Variants in SDK1 observed in about 807,000 individuals in gnomAD.
The protein encoded by SDK1 is sidekick cell adhesion molecule 1.
SDK1 carries 157 observed loss-of-function variants against 245.5 expected under a neutral mutation model. The observed-to-expected ratio is 0.64, with a 90% CI of 0.56 to 0.73. SDK1 has a LOEUF of 0.73. Among genes scored for constraint, SDK1 ranks in the 30% least tolerant of loss-of-function variants. The pLI is 0.00. For missense variants in SDK1, 3,583 were observed against 3,002.3 expected (o/e 1.19, Z -4.52); for synonymous variants, 1,647 against 1,278.5 (o/e 1.29, Z -6.15).
intron 5 of SDK1, among the ~76,000 whole-genome samples, chr7:3,910,477 G>C (rs886263440): frequency 6.6e-6 from 1 of 152,148 alleles, no homozygotes; most frequent in Non-Finnish European, 1.5e-5. Context: ...TGTGTCCTTA[G>C]CATTTTGGAA....
chr7:3,974,687 A>G, intron 13 of SDK1, 142 bp downstream of exon 13: 2 of 675,576 alleles, frequency 3.0e-6, no homozygotes, highest in Non-Finnish European at 4.9e-6. Context: ...ATGCTGCATA[A>G]CTACATATAT....
rs368582153 is a variant in SDK1, at chr7:3,971,446, G to C, written c.1715-20G>C. The C allele has an allele frequency of 6.4e-7, 1 of 1,566,092 alleles. No individual in the cohort carries two copies. The highest frequency in any genetic ancestry group is 1.1e-5 in the South Asian group (1 of 88,698). On this transcript the variant is annotated intron_variant, in intron 11 of 44. Transcript: ENST00000404826. ...TCAAACTTGTCATTTCGTCTGACTC[G>C]TGACTTGTGTTTTTTTCAGATCGGA... is the stretch of plus-strand genomic sequence containing the variant.
intron 19 of SDK1, among the ~76,000 whole-genome samples, chr7:4,061,655 T>G (rs551502037): frequency 6.6e-6 from 1 of 152,082 alleles, no homozygotes; most frequent in African/African-American, 2.4e-5. Context: ...TGACTATAAA[T>G]CATGCTGCTA....
At chr7:4,063,667 C>A (rs1779689921) in intron 19 of SDK1, among the ~76,000 whole-genome samples, 1 of 150,390 alleles carries the variant, frequency 6.6e-6, no homozygotes, top group African/African-American at 2.4e-5. Context: ...CCAAAGCAAT[C>A]CATAGCAAAA....
intron 4 of SDK1, among the ~76,000 whole-genome samples, chr7:3,666,344 A>G (rs1196988094): frequency 4.6e-5 from 7 of 152,166 alleles, no homozygotes; most frequent in Admixed American, 4.6e-4. Flanking sequence ...GTCTCTTGTC[A>G]TGGGACTTTG....
chr7:3,353,844 A>G (rs1454077224), intron 1 of SDK1, among the ~76,000 whole-genome samples: 2 of 152,034 alleles, frequency 1.3e-5, no homozygotes, highest in African/African-American at 2.4e-5. Flanking sequence ...CGTGTCCTGC[A>G]TGTCAGTTTC....
intron 4 of SDK1, among the ~76,000 whole-genome samples, chr7:3,807,772 G>T (rs915353474): frequency 2.6e-5 from 4 of 152,168 alleles, no homozygotes; most frequent in Non-Finnish European, 5.9e-5. Flanking sequence ...GGGAGGCTGG[G>T]TTAGAGTCTT....
intron 5 of SDK1, among the ~76,000 whole-genome samples, chr7:3,868,822 C>A (rs1298605031): frequency 5.9e-5 from 9 of 152,150 alleles, no homozygotes; most frequent in Non-Finnish European, 1.2e-4. Flanking sequence ...AAAGGGGTTT[C>A]ATTGGCATCA....
chr7:3,789,362 G>T (rs1362117873), intron 4 of SDK1, among the ~76,000 whole-genome samples: 1 of 152,110 alleles, frequency 6.6e-6, no homozygotes, highest in Non-Finnish European at 1.5e-5. Flanking sequence ...TGGTCAGGCT[G>T]GTCTCCAACC....
chr7:3,497,515 G>C lies in SDK1; in HGVS notation c.299-121565G>C, dbSNP rs574213492. Among the ~76,000 whole-genome samples the C allele has an allele frequency of 1.8e-4, 28 of 152,280 alleles. No individual in the cohort carries two copies. In the South Asian group the frequency reaches 5.2e-3, roughly 28 times the overall value. On this transcript the variant is annotated intron_variant, in intron 1 of 44. Transcript: ENST00000404826. ...AGTGAGTTTGTGAAGCAGCAGGAGA[G>C]AGATGATTTTGCAAATTGCAATATA...
rs554871200 is a variant in SDK1, at chr7:3,565,798, A to G, written c.299-53282A>G. ...ATGTTAAGTAGTTGTTATATTGTTC[A>G]GGGAATAATGACAGGAAAAAGAAGT... On this transcript the variant is annotated intron_variant, in intron 1 of 44. Coordinates refer to ENST00000404826, the MANE Select transcript of SDK1 (RefSeq NM_152744.4). 9.2e-5 allele frequency among the ~76,000 whole-genome samples: 14 copies of G among 152,346 alleles called. 1 individual carries two copies. The South Asian group carries it at 2.7e-3, about 29-fold the overall frequency.
intron 1 of SDK1, among the ~76,000 whole-genome samples, chr7:3,519,340 C>T (rs998774457): frequency 2.6e-5 from 4 of 152,168 alleles, no homozygotes; most frequent in African/African-American, 7.2e-5. Flanking sequence ...ATGCTAATTA[C>T]CCATTACTAT....
intron 1 of SDK1, among the ~76,000 whole-genome samples, chr7:3,401,739 T>G (rs1778892889): frequency 6.6e-6 from 1 of 152,178 alleles, no homozygotes; most frequent in Non-Finnish European, 1.5e-5. Flanking sequence ...AATAATTTTG[T>G]ATCTACTAGT....
At chr7:4,149,106 T>C (rs1273617695) in intron 29 of SDK1, among the ~76,000 whole-genome samples, 156 bp from the exon 30 acceptor site, 1 of 150,396 alleles carries the variant, frequency 6.6e-6, no homozygotes, top group East Asian at 2.0e-4. Flanking sequence ...CTCATCTCCC[T>C]GACCCAAGGA....
chr7:4,145,180 A>C (rs904845400), intron 28 of SDK1, among the ~76,000 whole-genome samples: 3 of 152,106 alleles, frequency 2.0e-5, no homozygotes, highest in Admixed American at 6.5e-5. Flanking sequence ...GGGCCAAAGA[A>C]GGGGCCGGAT....
chr7:3,766,833 T>C (rs1780266825), intron 4 of SDK1, among the ~76,000 whole-genome samples: 1 of 152,236 alleles, frequency 6.6e-6, no homozygotes. Flanking sequence ...GTGGATACTT[T>C]GGAATTAAAG....
At chr7:3,775,491 A>G (rs1382543910) in intron 4 of SDK1, among the ~76,000 whole-genome samples, 1 of 151,390 alleles carries the variant, frequency 6.6e-6, no homozygotes, top group Non-Finnish European at 1.5e-5. Context: ...GCTCTGACAC[A>G]TATGTGCTTG....
At chr7:3,456,601 A>C (rs942032793) in intron 1 of SDK1, among the ~76,000 whole-genome samples, 3 of 151,604 alleles carry the variant, frequency 2.0e-5, no homozygotes, top group Non-Finnish European at 4.4e-5. Flanking sequence ...TTTTTGTTTT[A>C]TTTTTTTCCG....
intron 40 of SDK1, among the ~76,000 whole-genome samples, chr7:4,228,579 G>A (rs1004673056): frequency 1.3e-5 from 2 of 152,184 alleles, no homozygotes; most frequent in African/African-American, 4.8e-5. Flanking sequence ...TCACTCTGTT[G>A]CCCAGGCTGG....
Sources: gnomAD v4.1 joint callset for allele counts (sites outside exome capture counted in the v4.1 genomes callset) on GRCh38, gnomAD v4.1.1 for gene constraint, MANE v1.5 for transcripts, NCBI Gene and HGNC (gene_info 2026-07-23, HGNC 2026-07-21) for gene names.